Variants in GRM7 observed in about 807,000 individuals in gnomAD.
GRM7 encodes metabotropic glutamate receptor 7.
GRM7 carries 35 observed loss-of-function variants against 84.5 expected under a neutral mutation model. That is an observed-to-expected ratio of 0.41 (90% CI 0.32 to 0.55). The LOEUF is 0.55. Ranked by LOEUF, GRM7 falls within the 20% of genes least tolerant of loss-of-function variation. The pLI, the probability that GRM7 is intolerant of heterozygous loss-of-function variation, is 0.19. For synonymous variants in GRM7, 487 were observed against 455.1 expected (o/e 1.07, Z -0.89); for missense variants, 1,003 against 1,194.6 (o/e 0.84, Z 2.36).
chr3:7,094,997 C>T (rs6792373), intron 1 of GRM7, among the ~76,000 whole-genome samples: 5,077 of 148,558 alleles, frequency 0.034, 278 homozygotes, highest in African/African-American at 0.12. Flanking sequence ...TTTTTTTTAA[C>T]CTGGGGAGTC....
chr3:7,123,664 A>G (rs1043269092), intron 1 of GRM7, among the ~76,000 whole-genome samples: 1 of 152,066 alleles, frequency 6.6e-6, no homozygotes. Context: ...GGAATGCACT[A>G]CATCAGAGAT....
At chr3:7,233,498 T>C (rs1697257759) in intron 2 of GRM7, among the ~76,000 whole-genome samples, 1 of 152,192 alleles carries the variant, frequency 6.6e-6, no homozygotes, top group Non-Finnish European at 1.5e-5. Context: ...CCAGCTATTG[T>C]AACTTTGAGG....
intron 2 of GRM7, among the ~76,000 whole-genome samples, chr3:7,296,256 A>G (rs1245541933): frequency 6.6e-6 from 1 of 152,122 alleles, no homozygotes; most frequent in African/African-American, 2.4e-5. Flanking sequence ...ATCCTAATGT[A>G]TTATCTTTTT....
chr3:7,383,846 C>CT (rs1211161923), intron 4 of GRM7, among the ~76,000 whole-genome samples: 2 of 152,206 alleles, frequency 1.3e-5, no homozygotes, highest in African/African-American at 4.8e-5. Flanking sequence ...TTAATGTTTA[C>CT]TTTTTTACGT....
chr3:7,343,274 C>A (rs1373521605), intron 4 of GRM7, among the ~76,000 whole-genome samples: 1 of 152,058 alleles, frequency 6.6e-6, no homozygotes, highest in Non-Finnish European at 1.5e-5. Context: ...CACTCTGTTG[C>A]CCAGACTGGA....
chr3:7,189,021 A>T (rs1339054043), intron 2 of GRM7, among the ~76,000 whole-genome samples: 1 of 152,180 alleles, frequency 6.6e-6, no homozygotes, highest in Non-Finnish European at 1.5e-5. Context: ...TTGCAGCCTT[A>T]CTGTATGGCC....
chr3:7,319,907 A>G (rs1352854428), intron 4 of GRM7, among the ~76,000 whole-genome samples: 1 of 152,002 alleles, frequency 6.6e-6, no homozygotes, highest in Non-Finnish European at 1.5e-5. Flanking sequence ...ACTCAATGGC[A>G]TTTTATATAT....
intron 8 of GRM7, chr3:7,608,060 A>AT (rs146667493): frequency 0.26 from 96,206 of 365,714 alleles, 13,841 homozygotes; most frequent in Non-Finnish European, 0.3. Context: ...AAAAGACATG[A>AT]CTCATGCTTT....
rs529053308 is a variant in GRM7, at chr3:7,107,941, T to C, written c.520-38511T>C. Among the ~76,000 whole-genome samples, 6 of 152,108 alleles carry C rather than the reference T, an allele frequency of 3.9e-5. No individual in the cohort carries two copies. The South Asian group carries it at 1.2e-3, about 32-fold the overall frequency. On this transcript the variant is annotated intron_variant, in intron 1 of 9. Coordinates refer to ENST00000357716, the MANE Select transcript of GRM7 (RefSeq NM_000844.4). ...GACGAGAAAAGAGACAGGCAGATGT[T>C]TGAGCATTCATAAAATGTTTGAGAG...
intron 8 of GRM7, among the ~76,000 whole-genome samples, chr3:7,598,002 G>C (rs1185650161): frequency 1.3e-5 from 2 of 152,116 alleles, no homozygotes; most frequent in Non-Finnish European, 2.9e-5. Flanking sequence ...ATGAGGGAAA[G>C]CTTCATTCTC....
intron 4 of GRM7, among the ~76,000 whole-genome samples, chr3:7,335,251 C>A (rs1189024072): frequency 6.6e-6 from 1 of 151,964 alleles, no homozygotes; most frequent in Non-Finnish European, 1.5e-5. Context: ...GAAACTAACT[C>A]CAAGAGGAAC....
At chr3:7,376,294 G>A (rs1157634669) in intron 4 of GRM7, among the ~76,000 whole-genome samples, 1 of 152,052 alleles carries the variant, frequency 6.6e-6, no homozygotes, top group Non-Finnish European at 1.5e-5. Flanking sequence ...GCTAGTTTCT[G>A]CTCTGTGGCT....
At chr3:7,460,205 C>A (rs146777953) in intron 6 of GRM7, among the ~76,000 whole-genome samples, 1 of 147,852 alleles carries the variant, frequency 6.8e-6, no homozygotes, top group Non-Finnish European at 1.5e-5. Flanking sequence ...ACAAGAATGA[C>A]GCTAAAATAT....
intron 1 of GRM7, among the ~76,000 whole-genome samples, chr3:7,015,907 A>G (rs1375103480): frequency 6.6e-6 from 1 of 152,206 alleles, no homozygotes; most frequent in Admixed American, 6.5e-5. Context: ...TTCATTAGAA[A>G]TGAGTCACTA....
At chr3:7,471,726 A>G (rs1698710051) in intron 7 of GRM7, among the ~76,000 whole-genome samples, 1 of 152,186 alleles carries the variant, frequency 6.6e-6, no homozygotes, top group African/African-American at 2.4e-5. Context: ...ATAATGTAAC[A>G]TATTTATAGG....
intron 1 of GRM7, among the ~76,000 whole-genome samples, chr3:7,145,907 G>C (rs1406293410): frequency 6.6e-6 from 1 of 152,012 alleles, no homozygotes; most frequent in African/African-American, 2.4e-5. Flanking sequence ...TGGGGCAAAG[G>C]GTATTACAGA....
At chr3:7,427,263 C>T (rs58065626) in intron 5 of GRM7, among the ~76,000 whole-genome samples, 28 of 152,186 alleles carry the variant, frequency 1.8e-4, no homozygotes, top group Non-Finnish European at 1.0e-4. Context: ...GAATAGAGAA[C>T]TAAGAAATGT....
chr3:7,549,016 TAG>T (rs1176825488), intron 7 of GRM7, among the ~76,000 whole-genome samples: 2 of 151,748 alleles, frequency 1.3e-5, no homozygotes, highest in African/African-American at 4.8e-5. Context: ...GTAAGTAGAG[TAG>T]AGAGAGAGAG....
chr3:7,112,819 T>G (rs1692905019), intron 1 of GRM7, among the ~76,000 whole-genome samples: 1 of 152,176 alleles, frequency 6.6e-6, no homozygotes, highest in African/African-American at 2.4e-5. Flanking sequence ...TTCAAGGTCA[T>G]GAGTGACTGG....
Sources: allele counts gnomAD v4.1 joint callset (sites outside exome capture counted in the v4.1 genomes callset), GRCh38; gene constraint gnomAD v4.1.1; transcripts MANE v1.5; gene names NCBI Gene and HGNC (gene_info 2026-07-23, HGNC 2026-07-21).